The following NEO1 variants were observed in gnomAD, a reference collection of about 807,000 sequenced individuals.
NEO1 encodes neogenin.
Under a neutral mutation model 159.7 loss-of-function variants are expected in NEO1, and 63 were observed. The ratio of observed to expected loss-of-function variants is 0.39; its 90% confidence interval spans 0.32 to 0.49. NEO1 has a LOEUF of 0.49. Among genes scored for constraint, NEO1 ranks in the 20% least tolerant of loss-of-function variants. The probability of loss-of-function intolerance (pLI) is 0.85; values close to 1 mark genes in which losing one functional copy is unlikely to be tolerated. For missense variants in NEO1, 1,615 were observed against 1,831.0 expected (o/e 0.88, Z 2.15); for synonymous variants, 633 against 662.0 (o/e 0.96, Z 0.67).
intron 4 of NEO1, among the ~76,000 whole-genome samples, chr15:73,128,987 T>C (rs1243884019): frequency 1.3e-5 from 2 of 152,220 alleles, no homozygotes; most frequent in African/African-American, 2.4e-5. Flanking sequence ...TTCTCTAGGC[T>C]CCTGAATACT....
intron 4 of NEO1, among the ~76,000 whole-genome samples, chr15:73,134,712 G>A (rs1395807001): frequency 1.3e-5 from 2 of 151,972 alleles, no homozygotes; most frequent in African/African-American, 4.8e-5. Context: ...ACCACGCCTG[G>A]CTAATTTTTG....
chr15:73,234,030 C>T (rs1035624791), intron 7 of NEO1, among the ~76,000 whole-genome samples: 9 of 152,156 alleles, frequency 5.9e-5, no homozygotes, highest in Non-Finnish European at 2.9e-5. Context: ...TGGGCTCTTT[C>T]CGGTATGCTC....
At chr15:73,084,450 C>T (rs1023901381) in intron 1 of NEO1, among the ~76,000 whole-genome samples, 4 of 152,144 alleles carry the variant, frequency 2.6e-5, no homozygotes, top group African/African-American at 9.7e-5. Context: ...CCTCCAGGTT[C>T]ATCTTTATTG....
chr15:73,282,649 G>C (rs1273262668), intron 22 of NEO1, among the ~76,000 whole-genome samples: 3 of 152,216 alleles, frequency 2.0e-5, no homozygotes, highest in Non-Finnish European at 4.4e-5. Flanking sequence ...ACACCAGAGA[G>C]CCAAGACTCT....
intron 23 of NEO1, among the ~76,000 whole-genome samples, 157 bp from the exon 24 acceptor site, chr15:73,288,156 T>C (rs1002364419): frequency 1.3e-5 from 2 of 152,180 alleles, no homozygotes; most frequent in African/African-American, 4.8e-5. Flanking sequence ...AAACTTGTTG[T>C]TGTTGTTGTT....
intron 7 of NEO1, among the ~76,000 whole-genome samples, chr15:73,199,039 A>T (rs547357263): frequency 6.8e-6 from 1 of 148,124 alleles, no homozygotes; most frequent in East Asian, 2.0e-4. Flanking sequence ...CCTATCTAGG[A>T]TGCCATTATT....
intron 7 of NEO1, among the ~76,000 whole-genome samples, chr15:73,215,596 G>A (rs895411923): frequency 5.9e-5 from 9 of 152,066 alleles, no homozygotes; most frequent in South Asian, 2.1e-4. Flanking sequence ...ATTCACTTGC[G>A]TATGTTAAAC....
intron 25 of NEO1, 90 bp from the exon 26 acceptor site, chr15:73,293,300 T>G (rs1596630225): frequency 2.7e-6 from 4 of 1,491,848 alleles, no homozygotes; most frequent in Non-Finnish European, 3.7e-6. Context: ...GTATGGGAGG[T>G]GGGAAGGGGG....
At chr15:73,263,716 G>A (rs1596521217) in intron 15 of NEO1, among the ~76,000 whole-genome samples, 1 of 152,048 alleles carries the variant, frequency 6.6e-6, no homozygotes, top group East Asian at 1.9e-4. Context: ...CCTAACAGAA[G>A]AGTTATATTC....
At chr15:73,224,617 A>G (rs2038472470) in intron 7 of NEO1, among the ~76,000 whole-genome samples, 1 of 152,030 alleles carries the variant, frequency 6.6e-6, no homozygotes, top group South Asian at 2.1e-4. Context: ...GACTTTCCAG[A>G]GCATTTTGCA....
At chr15:73,078,220 T>G (rs1039732661) in intron 1 of NEO1, among the ~76,000 whole-genome samples, 10 of 152,156 alleles carry the variant, frequency 6.6e-5, no homozygotes, top group Admixed American at 1.3e-4. Flanking sequence ...TCTAGTAGTT[T>G]AATAGTTTTA....
At chr15:73,166,964 T>TAA (rs1159859151) in intron 5 of NEO1, among the ~76,000 whole-genome samples, 9 of 152,038 alleles carry the variant, frequency 5.9e-5, no homozygotes, top group African/African-American at 2.2e-4. Flanking sequence ...GATGAGTTCA[T>TAA]GTCCTTTGTA....
intron 9 of NEO1, among the ~76,000 whole-genome samples, chr15:73,245,666 C>T (rs1356926969): frequency 2.0e-5 from 3 of 151,866 alleles, no homozygotes; most frequent in Non-Finnish European, 4.4e-5. Context: ...GCTCTGCCTC[C>T]TGGGTTCACG....
intron 1 of NEO1, among the ~76,000 whole-genome samples, chr15:73,101,900 G>A (rs1455343451): frequency 6.6e-6 from 1 of 152,094 alleles, no homozygotes; most frequent in Admixed American, 6.5e-5. Flanking sequence ...CCAAGCTCAT[G>A]TCGTCTTTAT....
chr15:73,090,164 C>T (rs564749649), intron 1 of NEO1, among the ~76,000 whole-genome samples: 45 of 152,186 alleles, frequency 3.0e-4, no homozygotes, highest in African/African-American at 1.1e-3. Flanking sequence ...AAACAAGTTG[C>T]ATAACAATAT....
intron 25 of NEO1, among the ~76,000 whole-genome samples, chr15:73,290,907 G>A (rs1356786298): frequency 1.3e-5 from 2 of 152,156 alleles, no homozygotes; most frequent in South Asian, 2.1e-4. Flanking sequence ...CAAGCACGTG[G>A]ATGTCTGCAC....
intron 5 of NEO1, among the ~76,000 whole-genome samples, chr15:73,145,027 C>T (rs1054277251): frequency 5.9e-5 from 9 of 152,166 alleles, no homozygotes; most frequent in Admixed American, 5.9e-4. Context: ...CAAATCCATT[C>T]TTCACAGAGT....
chr15:73,245,434 G>A (rs2039737939), intron 9 of NEO1, among the ~76,000 whole-genome samples: 1 of 152,110 alleles, frequency 6.6e-6, no homozygotes, highest in African/African-American at 2.4e-5. Context: ...TAAATGTGTT[G>A]TATATCTTAA....
intron 1 of NEO1, among the ~76,000 whole-genome samples, chr15:73,104,419 G>A (rs6495053): frequency 0.71 from 107,677 of 152,138 alleles, 39,099 homozygotes; most frequent in African/African-American, 0.88. Context: ...TAGTGGAGGT[G>A]TACTTTAGAA....
Sources: allele counts gnomAD v4.1 joint callset (sites outside exome capture counted in the v4.1 genomes callset), GRCh38; gene constraint gnomAD v4.1.1; transcripts MANE v1.5; gene names NCBI Gene and HGNC (gene_info 2026-07-23, HGNC 2026-07-21).